GOLM1: variants seen among roughly 807,000 people sequenced by gnomAD.
GOLM1 encodes golgi membrane protein 1.
Under a neutral mutation model 50.5 loss-of-function variants are expected in GOLM1, and 31 were observed. The observed-to-expected ratio is 0.61, with a 90% CI of 0.46 to 0.83. The LOEUF (loss-of-function observed/expected upper bound fraction) is 0.83, where lower values mean the gene tolerates loss of function less well. GOLM1 is among the 40% of genes least tolerant of loss of function. GOLM1 has a pLI of 0.00. For missense variants in GOLM1, 491 were observed against 501.3 expected (o/e 0.98, Z 0.20); for synonymous variants, 178 against 192.8 (o/e 0.92, Z 0.64).
At chr9:86,034,985 C>G (rs1833088737) in intron 8 of GOLM1, 2 of 984,098 alleles carry the variant, frequency 2.0e-6, no homozygotes, top group Non-Finnish European at 2.4e-6. Context: ...TTCCTTCATT[C>G]ATTCACTAGG....
intron 5 of GOLM1, among the ~76,000 whole-genome samples, chr9:86,045,156 G>C (rs1564344189): frequency 6.6e-6 from 1 of 150,958 alleles, no homozygotes; most frequent in African/African-American, 2.4e-5. Flanking sequence ...AGATCATGAG[G>C]TCAGGAGTTT....
chr9:86,079,654 T>C (rs1042386734), intron 1 of GOLM1: 1 of 237,292 alleles, frequency 4.2e-6, no homozygotes, highest in African/African-American at 2.2e-5. Flanking sequence ...TTCAGATTCC[T>C]CCCTTGTAAA....
chr9:86,044,436 G>A (rs1187633188), intron 5 of GOLM1, among the ~76,000 whole-genome samples: 1 of 152,208 alleles, frequency 6.6e-6, no homozygotes, highest in Non-Finnish European at 1.5e-5. Flanking sequence ...AGAACGCAAT[G>A]CACGTGAGGC....
At chr9:86,090,786 CAAA>C (rs776381865) in intron 1 of GOLM1, among the ~76,000 whole-genome samples, 1,064 of 41,258 alleles carry the variant, frequency 0.026, 31 homozygotes, top group African/African-American at 0.073. Context: ...ACTGGGGTAC[CAAA>C]AAAAAAAAAA....
intron 1 of GOLM1, among the ~76,000 whole-genome samples, chr9:86,080,461 A>C (rs1258111850): frequency 6.6e-6 from 1 of 152,142 alleles, no homozygotes; most frequent in Admixed American, 6.5e-5. Context: ...GTGTCTAGCA[A>C]CAGAGGAGGA....
At chr9:86,096,673 A>T (rs1225894638) in intron 1 of GOLM1, among the ~76,000 whole-genome samples, 1 of 152,208 alleles carries the variant, frequency 6.6e-6, no homozygotes, top group Non-Finnish European at 1.5e-5. Context: ...GACAAGACAC[A>T]GGCCCAAAAT....
At chr9:86,095,221 T>G (rs1835320769) in intron 1 of GOLM1, among the ~76,000 whole-genome samples, 1 of 151,896 alleles carries the variant, frequency 6.6e-6, no homozygotes, top group Non-Finnish European at 1.5e-5. Flanking sequence ...TTAAGAATAG[T>G]TTTTACATTT....
intron 3 of GOLM1, among the ~76,000 whole-genome samples, chr9:86,057,277 G>C (rs994339404): frequency 6.6e-6 from 1 of 152,156 alleles, no homozygotes; most frequent in Non-Finnish European, 1.5e-5. Flanking sequence ...TATTTCATAA[G>C]TTTTCAAAGC....
intron 1 of GOLM1, among the ~76,000 whole-genome samples, chr9:86,090,862 G>A (rs1159900926): frequency 6.6e-6 from 1 of 150,450 alleles, no homozygotes; most frequent in African/African-American, 2.5e-5. Flanking sequence ...CCAGTTTTGT[G>A]CTTGAAACCC....
At chr9:86,084,730 C>A (rs1563967563) in intron 1 of GOLM1, among the ~76,000 whole-genome samples, 1 of 152,120 alleles carries the variant, frequency 6.6e-6, no homozygotes, top group Non-Finnish European at 1.5e-5. Context: ...CTTGAACCTT[C>A]TAGTTAAATA....
intron 1 of GOLM1, among the ~76,000 whole-genome samples, chr9:86,096,855 T>G (rs1835368730): frequency 6.6e-6 from 1 of 152,140 alleles, no homozygotes; most frequent in Non-Finnish European, 1.5e-5. Flanking sequence ...TTAAAAAAGT[T>G]TTTTTATTAC....
At chr9:86,046,343 T>C in intron 5 of GOLM1, 127 bp downstream of exon 5, 1 of 648,212 alleles carries the variant, frequency 1.5e-6, no homozygotes, top group South Asian at 1.8e-5. Context: ...GAGGGGCCCG[T>C]GCCTTTCTCA....
At chr9:86,083,711 CTAGTT>C (rs1394031422) in intron 1 of GOLM1, among the ~76,000 whole-genome samples, 1 of 152,228 alleles carries the variant, frequency 6.6e-6, no homozygotes, top group Non-Finnish European at 1.5e-5. Flanking sequence ...TTTTGAACAG[CTAGTT>C]TAATCTGCAG....
At chr9:86,032,643 A>G (rs1233956135) in intron 9 of GOLM1, among the ~76,000 whole-genome samples, 1 of 152,216 alleles carries the variant, frequency 6.6e-6, no homozygotes, top group African/African-American at 2.4e-5. Context: ...GTAAAGCTAC[A>G]CAAGTTCAAA....
intron 3 of GOLM1, 88 bp downstream of exon 3, chr9:86,077,324 C>G (rs576093690): frequency 1.9e-6 from 2 of 1,055,050 alleles, no homozygotes; most frequent in Non-Finnish European, 2.9e-6. Context: ...TAAACCCAGC[C>G]GCTTGCTCAT....
At chr9:86,061,220 T>C (rs1386470991) in intron 3 of GOLM1, among the ~76,000 whole-genome samples, 1 of 152,178 alleles carries the variant, frequency 6.6e-6, no homozygotes, top group Non-Finnish European at 1.5e-5. Flanking sequence ...GATAATTAAA[T>C]CTGCCAAGTA....
rs1242852458 is a variant in GOLM1, at chr9:86,027,697, AATC to A, written c.*117_*119del. The A allele has an allele frequency of 7.0e-6, 10 of 1,432,538 alleles. No homozygotes were observed. Among genetic ancestry groups the A allele is most frequent in the African/African-American group, 2.9e-5 (2 of 68,514 alleles). The allele number at this position is 1,432,538 out of a possible 1,614,324, so 88.7% of individuals were successfully genotyped here. Reference sequence around the variant, plus strand: ...AAAGTGCATACTAAAATTTCACAATAATCATCTTCAGATGTACATTTTATTTAG... The same window carrying A: ...AAAGTGCATACTAAAATTTCACAATAATCTTCAGATGTACATTTTATTTAG... On this transcript the variant is annotated 3_prime_UTR_variant, in exon 10 of 10. Transcript: ENST00000388712.
intron 1 of GOLM1, among the ~76,000 whole-genome samples, chr9:86,082,041 T>C (rs1158234854): frequency 3.7e-5 from 5 of 134,876 alleles, no homozygotes; most frequent in Non-Finnish European, 8.1e-5. Flanking sequence ...TTTTTTTTTT[T>C]TTTTTGAGAT....
chr9:86,074,169 G>A (rs1327033503), intron 3 of GOLM1, among the ~76,000 whole-genome samples: 1 of 149,844 alleles, frequency 6.7e-6, no homozygotes. Context: ...AATCACCATG[G>A]TTCTTTAAAA....
Sources: gnomAD v4.1 joint callset for allele counts (sites outside exome capture counted in the v4.1 genomes callset) on GRCh38, gnomAD v4.1.1 for gene constraint, MANE v1.5 for transcripts, NCBI Gene and HGNC (gene_info 2026-07-23, HGNC 2026-07-21) for gene names.